The following RBM25 variants were observed in gnomAD, a reference collection of about 807,000 sequenced individuals.
RBM25 encodes the protein RNA binding motif protein 25, also known as RNA-binding protein 25.
RBM25 carries 19 observed loss-of-function variants against 120.7 expected under a neutral mutation model. The observed-to-expected ratio is 0.16, with a 90% confidence interval of 0.11 to 0.23. The LOEUF is 0.23. RBM25 is among the 10% of genes least tolerant of loss of function. The pLI, the probability that RBM25 is intolerant of heterozygous loss-of-function variation, is 1.00. For missense variants in RBM25, 605 were observed against 1,041.5 expected, an observed-to-expected ratio of 0.58 and a Z score of 5.77; for synonymous variants, 390 against 326.7, an observed-to-expected ratio of 1.19 and a Z score of -2.09.
At chr14:73,102,258 G>A (rs1296233831) in intron 9 of RBM25, 1 of 152,192 alleles carries the variant, frequency 6.6e-6, no homozygotes, top group East Asian at 1.9e-4. Flanking sequence ...TTCTGAGTTT[G>A]TGTAGAAACC....
At chr14:73,067,692 C>T (rs1446976458) in intron 1 of RBM25, among the ~76,000 whole-genome samples, 2 of 151,648 alleles carry the variant, frequency 1.3e-5, no homozygotes, top group Non-Finnish European at 2.9e-5. Flanking sequence ...CAAGCTCCGC[C>T]TCCCAGGTTC....
chr14:73,111,010 A>G lies in RBM25; in HGVS notation c.1872A>G (p.Pro624=), dbSNP rs1187435479. The change falls in exon 15 of 19, where the codon CCA becomes CCG. Residue 624 remains proline, a synonymous_variant. Transcript: ENST00000261973. ...KPTLRPISSA[P]SVSSASGNAT... ...CTCTGAGGCCCATCAGCTCTGCTCCATCTGTTTCCTCTGCCAGTGGCAATG... is the reference window on the plus strand; with the variant it reads ...CTCTGAGGCCCATCAGCTCTGCTCCGTCTGTTTCCTCTGCCAGTGGCAATG... 4 of 1,614,082 alleles carry G rather than the reference A, an allele frequency of 2.5e-6. No homozygotes were observed. The highest frequency in any genetic ancestry group is 3.4e-6 in the Non-Finnish European group (4 of 1,180,020).
intron 5 of RBM25, among the ~76,000 whole-genome samples, chr14:73,085,695 C>T (rs1339388212): frequency 2.0e-5 from 3 of 152,062 alleles, no homozygotes; most frequent in Admixed American, 6.6e-5. Context: ...GATCCGCCCA[C>T]CTCAGTCTCC....
intron 17 of RBM25, among the ~76,000 whole-genome samples, chr14:73,113,214 T>C (rs557420879): frequency 5.3e-5 from 8 of 152,080 alleles, no homozygotes; most frequent in Admixed American, 6.5e-5. Flanking sequence ...CTACCACTTA[T>C]GAGTGAGAAC....
intron 4 of RBM25, among the ~76,000 whole-genome samples, chr14:73,082,608 A>G: frequency 6.6e-6 from 1 of 152,142 alleles, no homozygotes; most frequent in Non-Finnish European, 1.5e-5. Context: ...TTAAAGTATA[A>G]TAGTGTCCTA....
intron 18 of RBM25, among the ~76,000 whole-genome samples, chr14:73,119,326 G>A (rs1206287746): frequency 2.0e-5 from 3 of 151,926 alleles, no homozygotes; most frequent in Admixed American, 6.6e-5. Context: ...AGGCTGGAGT[G>A]CAGTGGCGCG....
chr14:73,081,863 C>T (rs1895572186), intron 4 of RBM25, among the ~76,000 whole-genome samples: 1 of 152,186 alleles, frequency 6.6e-6, no homozygotes, highest in Non-Finnish European at 1.5e-5. Context: ...TGGAATGCCT[C>T]TCCTAGTGAG....
At position 73,080,117 on chromosome 14, in the gene RBM25, A is replaced by C. The variant is rs544649655; in HGVS notation, c.324+2581A>C. 1.4e-3 allele frequency among the ~76,000 whole-genome samples: 206 copies of C among 148,034 alleles called. 12 individuals carry two copies. Among genetic ancestry groups the C allele is most frequent in the Admixed American group, 5.4e-3 (80 of 14,788 alleles). ...CATAGAAGTGCCGTTTCTGAGTCTT[A>C]GGGCATGCTTATCTGCAGCTTTACA... On this transcript the variant is annotated intron_variant, in intron 4 of 18. Transcript: ENST00000261973.
chr14:73,095,802 A>G (rs1895929366), intron 6 of RBM25, among the ~76,000 whole-genome samples: 2 of 152,172 alleles, frequency 1.3e-5, no homozygotes, highest in African/African-American at 2.4e-5. Context: ...AGAGCCAGGC[A>G]TGTATGCACA....
chr14:73,101,576 C>T (rs3025765), intron 9 of RBM25: 20 of 151,280 alleles, frequency 1.3e-4, no homozygotes, highest in African/African-American at 4.9e-4. Context: ...GGACTAGATT[C>T]ACTCACTTTT....
At chr14:73,063,092 G>T (rs979723468) in intron 1 of RBM25, among the ~76,000 whole-genome samples, 5 of 150,996 alleles carry the variant, frequency 3.3e-5, no homozygotes, top group Non-Finnish European at 7.4e-5. Context: ...AAAACGCCGG[G>T]ATTACAGGTA....
intron 18 of RBM25, among the ~76,000 whole-genome samples, chr14:73,116,249 C>T (rs1416338650): frequency 2.6e-5 from 4 of 151,918 alleles, no homozygotes; most frequent in South Asian, 2.1e-4. Flanking sequence ...AATGGAATAG[C>T]GGTCCAAAGG....
chr14:73,109,919 G>A (rs1161659978), intron 14 of RBM25, among the ~76,000 whole-genome samples: 1 of 151,722 alleles, frequency 6.6e-6, no homozygotes, highest in African/African-American at 2.4e-5. Context: ...GGGTCTCGCT[G>A]TGTCGCCCAG....
At chr14:73,081,295 G>A (rs765088780) in intron 4 of RBM25, among the ~76,000 whole-genome samples, 1 of 152,042 alleles carries the variant, frequency 6.6e-6, no homozygotes, top group East Asian at 1.9e-4. Context: ...CCGCCACCAC[G>A]TCCGGCTAAT....
intron 1 of RBM25, chr14:73,068,080 C>T: frequency 1.7e-6 from 1 of 584,526 alleles, no homozygotes; most frequent in East Asian, 3.5e-5. Flanking sequence ...TCACTAAGCA[C>T]ATGAGCTACG....
rs998147005 is a variant in RBM25, at chr14:73,080,123, T to C, written c.324+2587T>C. Among the ~76,000 whole-genome samples the C allele has an allele frequency of 1.0e-4, 15 of 150,248 alleles. 1 individual carries two copies. Among genetic ancestry groups the C allele is most frequent in the African/African-American group, 3.2e-4 (13 of 41,206 alleles). Reference sequence around the variant, plus strand: ...AGTGCCGTTTCTGAGTCTTAGGGCATGCTTATCTGCAGCTTTACAAGATAA... The same window carrying C: ...AGTGCCGTTTCTGAGTCTTAGGGCACGCTTATCTGCAGCTTTACAAGATAA... On this transcript the variant is annotated intron_variant, in intron 4 of 18. Transcript: ENST00000261973.
chr14:73,082,616 C>T (rs1895589126), intron 4 of RBM25, among the ~76,000 whole-genome samples: 1 of 152,110 alleles, frequency 6.6e-6, no homozygotes, highest in Admixed American at 6.6e-5. Context: ...TAATAGTGTC[C>T]TACCGTTCAG....
At position 73,111,177 on chromosome 14, in the gene RBM25, T is replaced by TC. The variant is rs1252726679; in HGVS notation, c.2017+23dup. The TC allele has an allele frequency of 3.9e-6, 6 of 1,556,268 alleles. No individual in the cohort carries two copies. In the East Asian group the frequency reaches 9.0e-5, roughly 23 times the overall value. ...CTGGGTACGTTAGCATTTCCTTCCT[T>TC]CTTTATTTTCTTCCCTTCACCCCTG... On this transcript the variant is annotated intron_variant, in intron 15 of 18. Coordinates refer to ENST00000261973, the MANE Select transcript of RBM25 (RefSeq NM_021239.3).
intron 1 of RBM25, chr14:73,059,175 T>C (rs1275674068): frequency 6.6e-6 from 1 of 152,212 alleles, no homozygotes; most frequent in Non-Finnish European, 1.5e-5. Context: ...TTTAGCGAGG[T>C]GCTGGCCACC....
Sources: gnomAD v4.1 joint callset for allele counts (sites outside exome capture counted in the v4.1 genomes callset) on GRCh38, gnomAD v4.1.1 for gene constraint, MANE v1.5 for transcripts, NCBI Gene and HGNC (gene_info 2026-07-23, HGNC 2026-07-21) for gene names.